PTPRD: variants seen among roughly 807,000 people sequenced by gnomAD.
PTPRD encodes the protein protein tyrosine phosphatase receptor type D.
In PTPRD, 34 loss-of-function variants were observed where a neutral mutation model predicts 214.5. That is an observed-to-expected ratio of 0.16 (90% CI 0.12 to 0.21). The LOEUF (loss-of-function observed/expected upper bound fraction) is 0.21. Among genes scored for constraint, PTPRD ranks in the 10% least tolerant of loss-of-function variants. The probability of loss-of-function intolerance (pLI) is 1.00; values close to 1 mark genes in which losing one functional copy is unlikely to be tolerated. For synonymous variants in PTPRD, 1,128 were observed against 845.7 expected (o/e 1.33, Z -5.79); for missense variants, 2,545 against 2,398.7 (o/e 1.06, Z -1.27).
At chr9:9,571,797 C>A (rs1195652924) in intron 8 of PTPRD, among the ~76,000 whole-genome samples, 1 of 150,698 alleles carries the variant, frequency 6.6e-6, no homozygotes, top group Non-Finnish European at 1.5e-5. Flanking sequence ...AACTACATAT[C>A]AATGTATTAA....
intron 5 of PTPRD, among the ~76,000 whole-genome samples, chr9:9,773,138 AG>A (rs2098767067): frequency 6.6e-6 from 1 of 152,196 alleles, no homozygotes; most frequent in Admixed American, 6.5e-5. Flanking sequence ...GTGTATAAAA[AG>A]ATCTCATTGG....
chr9:9,097,555 C>G (rs142811414), intron 10 of PTPRD, among the ~76,000 whole-genome samples: 258 of 151,534 alleles, frequency 1.7e-3, no homozygotes, highest in African/African-American at 5.8e-3. Context: ...ACTACAGGCA[C>G]CTGCCACCAT....
chr9:8,818,403 C>T (rs1271351201), intron 11 of PTPRD, among the ~76,000 whole-genome samples: 1 of 152,094 alleles, frequency 6.6e-6, no homozygotes, highest in African/African-American at 2.4e-5. Flanking sequence ...CTGCCTTTAA[C>T]AATAATAATA....
intron 3 of PTPRD, among the ~76,000 whole-genome samples, chr9:10,255,201 G>A (rs1027191528): frequency 6.6e-6 from 1 of 152,232 alleles, no homozygotes; most frequent in East Asian, 1.9e-4. Flanking sequence ...CTTAAGGAGG[G>A]GGATACATTC....
chr9:9,425,698 A>C (rs2080594934), intron 8 of PTPRD, among the ~76,000 whole-genome samples: 1 of 152,000 alleles, frequency 6.6e-6, no homozygotes, highest in Admixed American at 6.6e-5. Flanking sequence ...AATGATGCAG[A>C]TATAGTTTTG....
chr9:9,581,237 A>C (rs2090672973), intron 7 of PTPRD, among the ~76,000 whole-genome samples: 2 of 152,236 alleles, frequency 1.3e-5, no homozygotes, highest in South Asian at 4.1e-4. Flanking sequence ...TGCTAAATTG[A>C]ACTTATGCAT....
intron 5 of PTPRD, among the ~76,000 whole-genome samples, chr9:9,812,129 G>A (rs994460622): frequency 9.5e-6 from 1 of 105,744 alleles, no homozygotes; most frequent in Non-Finnish European, 1.7e-5. Flanking sequence ...TTTAATGAAG[G>A]TATATGCATT....
At chr9:8,670,520 G>A (rs929735136) in intron 12 of PTPRD, among the ~76,000 whole-genome samples, 3 of 152,194 alleles carry the variant, frequency 2.0e-5, no homozygotes, top group Non-Finnish European at 4.4e-5. Flanking sequence ...AAATATGTGA[G>A]ATGACAGATG....
intron 5 of PTPRD, among the ~76,000 whole-genome samples, chr9:9,935,214 G>T (rs556406066): frequency 3.2e-4 from 48 of 152,052 alleles, no homozygotes; most frequent in African/African-American, 1.0e-3. Context: ...AGTGTTGGAA[G>T]TTCTGGCCAG....
chr9:9,045,118 A>G (rs1026418041), intron 10 of PTPRD, among the ~76,000 whole-genome samples: 8 of 152,170 alleles, frequency 5.3e-5, no homozygotes, highest in African/African-American at 1.9e-4. Context: ...TTATGGTTCA[A>G]ATTAGGAGCA....
At chr9:9,254,668 C>G (rs944551969) in intron 9 of PTPRD, among the ~76,000 whole-genome samples, 1 of 151,982 alleles carries the variant, frequency 6.6e-6, no homozygotes, top group Non-Finnish European at 1.5e-5. Flanking sequence ...CATCTGGAAG[C>G]CTTAGAAGTG....
At chr9:9,745,739 C>T (rs190044673) in intron 6 of PTPRD, among the ~76,000 whole-genome samples, 1 of 152,188 alleles carries the variant, frequency 6.6e-6, no homozygotes, top group Non-Finnish European at 1.5e-5. Context: ...ATTTTGTTTT[C>T]CTCACTGTAC....
At chr9:8,345,152 T>C (rs74955565) in intron 39 of PTPRD, among the ~76,000 whole-genome samples, 6,233 of 152,136 alleles carry the variant, frequency 0.041, 424 homozygotes, top group African/African-American at 0.14. Flanking sequence ...CTTTCTGCGT[T>C]CACATTTATC....
At chr9:9,892,095 A>G (rs1357265194) in intron 5 of PTPRD, among the ~76,000 whole-genome samples, 3 of 152,154 alleles carry the variant, frequency 2.0e-5, no homozygotes, top group Non-Finnish European at 4.4e-5. Flanking sequence ...GTATTTATTG[A>G]ATGCCTACCA....
At chr9:10,537,042 CT>C (rs2057975025) in intron 2 of PTPRD, among the ~76,000 whole-genome samples, 1 of 152,068 alleles carries the variant, frequency 6.6e-6, no homozygotes, top group South Asian at 2.1e-4. Context: ...TCTTTTCTAG[CT>C]CTGAAATAGC....
intron 4 of PTPRD, among the ~76,000 whole-genome samples, chr9:10,026,098 A>G (rs2096918063): frequency 6.6e-6 from 1 of 152,194 alleles, no homozygotes. Context: ...AGAAACCACA[A>G]ATGTACTGAT....
chr9:10,208,314 G>T (rs554087415), intron 3 of PTPRD, among the ~76,000 whole-genome samples: 3 of 152,100 alleles, frequency 2.0e-5, no homozygotes, highest in Non-Finnish European at 4.4e-5. Flanking sequence ...GGAGATCGAC[G>T]CCATCCTGGC....
intron 12 of PTPRD, among the ~76,000 whole-genome samples, chr9:8,695,880 C>A (rs915685444): frequency 2.0e-5 from 3 of 152,194 alleles, no homozygotes; most frequent in Non-Finnish European, 2.9e-5. Context: ...GAGTGGTACA[C>A]GCACAATCAT....
At chr9:9,727,520 A>C (rs941135283) in intron 7 of PTPRD, among the ~76,000 whole-genome samples, 30 of 152,188 alleles carry the variant, frequency 2.0e-4, no homozygotes, top group African/African-American at 5.5e-4. Flanking sequence ...GAGAGGCTAA[A>C]ATAAAAAAGT....
Sources: gnomAD v4.1 joint callset for allele counts (sites outside exome capture counted in the v4.1 genomes callset) on GRCh38, gnomAD v4.1.1 for gene constraint, MANE v1.5 for transcripts, NCBI Gene and HGNC (gene_info 2026-07-23, HGNC 2026-07-21) for gene names.